C8orf34: variants seen among roughly 807,000 people sequenced by gnomAD.
C8orf34 encodes chromosome 8 open reading frame 34.
Under a neutral mutation model 68.3 loss-of-function variants are expected in C8orf34, and 65 were observed. The ratio of observed to expected loss-of-function variants is 0.95; its 90% CI spans 0.78 to 1.17. C8orf34 has a LOEUF of 1.17. Ranked by LOEUF, C8orf34 falls within the 50% of genes most tolerant of loss-of-function variation. The pLI, the probability that C8orf34 is intolerant of heterozygous loss-of-function variation, is 0.00. For missense variants in C8orf34, 664 were observed against 655.4 expected (o/e 1.01, Z -0.14); for synonymous variants, 244 against 241.2 (o/e 1.01, Z -0.11).
chr8:68,340,634 G>A (rs186508714), intron 1 of C8orf34, among the ~76,000 whole-genome samples: 2 of 152,248 alleles, frequency 1.3e-5, no homozygotes, highest in African/African-American at 4.8e-5. Flanking sequence ...GGAACATGAA[G>A]TATATAATTG....
chr8:68,390,807 T>C (rs1418452695), intron 1 of C8orf34, among the ~76,000 whole-genome samples: 2 of 152,132 alleles, frequency 1.3e-5, no homozygotes, highest in African/African-American at 2.4e-5. Flanking sequence ...TTTTAAGGAA[T>C]TGGCTCATGT....
intron 7 of C8orf34, among the ~76,000 whole-genome samples, chr8:68,548,078 A>G (rs538300158): frequency 2.6e-5 from 4 of 151,834 alleles, no homozygotes; most frequent in Non-Finnish European, 5.9e-5. Context: ...ATAAAAGCAG[A>G]GACTATGAAA....
At chr8:68,531,400 A>G (rs1815240097) in intron 6 of C8orf34, among the ~76,000 whole-genome samples, 2 of 151,984 alleles carry the variant, frequency 1.3e-5, no homozygotes, top group Admixed American at 1.3e-4. Flanking sequence ...TTTCTTTTTT[A>G]TGACATTTAC....
chr8:68,475,152 C>G (rs1015402430), intron 4 of C8orf34, among the ~76,000 whole-genome samples: 3 of 152,194 alleles, frequency 2.0e-5, no homozygotes, highest in Admixed American at 2.0e-4. Flanking sequence ...GTCTCACCAT[C>G]AGCTCCTTCC....
chr8:68,490,479 G>C, intron 5 of C8orf34, among the ~76,000 whole-genome samples: 1 of 152,150 alleles, frequency 6.6e-6, no homozygotes, highest in East Asian at 1.9e-4. Flanking sequence ...CTCAGGACAT[G>C]GCCTTCTCCC....
chr8:68,534,731 A>T, intron 7 of C8orf34: 1 of 985,290 alleles, frequency 1.0e-6, no homozygotes, highest in South Asian at 4.7e-5. Flanking sequence ...TCTGCTTTGG[A>T]CAGTAACAGG....
At chr8:68,509,640 C>T (rs1254561371) in intron 5 of C8orf34, among the ~76,000 whole-genome samples, 1 of 152,090 alleles carries the variant, frequency 6.6e-6, no homozygotes, top group Non-Finnish European at 1.5e-5. Flanking sequence ...AAAGGAGTCC[C>T]AGGGATTTGG....
At chr8:68,499,457 C>T (rs762439602) in intron 5 of C8orf34, among the ~76,000 whole-genome samples, 17 of 151,970 alleles carry the variant, frequency 1.1e-4, no homozygotes, top group South Asian at 4.1e-4. Flanking sequence ...AATAATAATC[C>T]GTATGTCCAT....
chr8:68,766,412 C>T (rs1209103828), intron 10 of C8orf34, among the ~76,000 whole-genome samples: 3 of 151,970 alleles, frequency 2.0e-5, no homozygotes, highest in African/African-American at 7.3e-5. Flanking sequence ...TTTACAAATT[C>T]CAAAGTGAAA....
intron 7 of C8orf34, among the ~76,000 whole-genome samples, chr8:68,603,521 A>ATATC (rs10542466): frequency 0.21 from 28,994 of 140,126 alleles, 3,083 homozygotes; most frequent in South Asian, 0.25. Flanking sequence ...ATATATACAT[A>ATATC]TATCTATCTA....
At chr8:68,482,165 C>A (rs1812886082) in intron 4 of C8orf34, among the ~76,000 whole-genome samples, 2 of 152,150 alleles carry the variant, frequency 1.3e-5, no homozygotes, top group South Asian at 4.1e-4. Context: ...ATAGGTTTAT[C>A]AGGAGTTTCT....
At chr8:68,550,771 G>A (rs370427360) in intron 7 of C8orf34, among the ~76,000 whole-genome samples, 1 of 149,816 alleles carries the variant, frequency 6.7e-6, no homozygotes, top group Non-Finnish European at 1.5e-5. Flanking sequence ...TGGTGTTTTT[G>A]TGTTTTTTTT....
At chr8:68,535,059 G>A (rs1815404812) in intron 7 of C8orf34, 1 of 985,248 alleles carries the variant, frequency 1.0e-6, no homozygotes, top group Non-Finnish European at 1.2e-6. Context: ...TAGGTCATGA[G>A]ATTATCCTCT....
At chr8:68,465,207 C>T (rs1812059124) in intron 3 of C8orf34, among the ~76,000 whole-genome samples, 1 of 151,956 alleles carries the variant, frequency 6.6e-6, no homozygotes, top group African/African-American at 2.4e-5. Context: ...AAAATGCTCA[C>T]CATCACTGGC....
intron 7 of C8orf34, among the ~76,000 whole-genome samples, chr8:68,634,096 C>T (rs1818769889): frequency 6.6e-6 from 1 of 152,096 alleles, no homozygotes; most frequent in African/African-American, 2.4e-5. Context: ...TGTGAAGAAT[C>T]TAATAAATAA....
chr8:68,589,875 G>A (rs185273073), intron 7 of C8orf34, among the ~76,000 whole-genome samples: 1 of 132,858 alleles, frequency 7.5e-6, no homozygotes, highest in Admixed American at 7.8e-5. Flanking sequence ...GGGAGGGAGA[G>A]AGGAAAGGAA....
intron 8 of C8orf34, among the ~76,000 whole-genome samples, chr8:68,651,429 A>G (rs551373659): frequency 1.8e-4 from 28 of 152,324 alleles, no homozygotes; most frequent in Non-Finnish European, 1.3e-4. Context: ...CATTCAGGGT[A>G]AACTCCTTTT....
intron 12 of C8orf34, among the ~76,000 whole-genome samples, chr8:68,813,800 GCTCA>G (rs572446948): frequency 2.1e-4 from 32 of 152,122 alleles, no homozygotes; most frequent in Admixed American, 2.0e-3. Flanking sequence ...CTTCCATCGG[GCTCA>G]CTGTTTTCCT....
At position 68,465,948 on chromosome 8, in the gene C8orf34, T is replaced by TAATAA. The variant is rs61338754; in HGVS notation, c.608-2718_608-2714dup. Among the ~76,000 whole-genome samples the TAATAA allele has an allele frequency of 8.9e-3, 1,319 of 148,378 alleles. 18 individuals are homozygous for TAATAA. The highest frequency in any genetic ancestry group is 0.028 in the African/African-American group (1,105 of 40,116). On this transcript the variant is annotated intron_variant, in intron 3 of 13. Coordinates refer to ENST00000518698, the MANE Select transcript of C8orf34 (RefSeq NM_052958.4). The stretch of plus-strand genomic sequence containing the variant: ...CACATGTACCCTAAAACTTAAAGTA[T>TAATAA]AATAAAATAAAATAAAATAAAATAA...
Sources: gnomAD v4.1 joint callset for allele counts (sites outside exome capture counted in the v4.1 genomes callset) on GRCh38, gnomAD v4.1.1 for gene constraint, MANE v1.5 for transcripts, NCBI Gene and HGNC (gene_info 2026-07-23, HGNC 2026-07-21) for gene names.